The following CBR4 variants were observed in gnomAD, a reference collection of about 807,000 sequenced individuals.
The protein encoded by CBR4 is carbonyl reductase 4, also known as 3-oxoacyl-[acyl-carrier-protein] reductase.
CBR4 carries 22 observed loss-of-function variants against 21.0 expected under a neutral mutation model. That is an observed-to-expected ratio of 1.05 (90% CI 0.75 to 1.50). The LOEUF (loss-of-function observed/expected upper bound fraction) is 1.50, where lower values mean the gene tolerates loss of function less well. Ranked by LOEUF, CBR4 falls within the 40% of genes most tolerant of loss-of-function variation. The pLI is 0.00. For synonymous variants in CBR4, 100 were observed against 104.4 expected (o/e 0.96, Z 0.26); for missense variants, 302 against 286.3 (o/e 1.05, Z -0.40).
chr4:168,954,467 G>A (rs1444951712), intron 2 of CBR4, among the ~76,000 whole-genome samples: 1 of 152,150 alleles, frequency 6.6e-6, no homozygotes, highest in Non-Finnish European at 1.5e-5. Flanking sequence ...GCAGAAAGCA[G>A]AAAGGCAAGC....
At chr4:168,924,942 C>T in intron 2 of CBR4, 2 of 1,614,092 alleles carry the variant, frequency 1.2e-6, no homozygotes, top group Non-Finnish European at 1.7e-6. Context: ...TCCTTTTCTC[C>T]AGCATGCACC....
rs143234536 is a variant in CBR4, at chr4:168,920,858, A to G, written n.170-26093T>C. 4.8e-3 allele frequency among the ~76,000 whole-genome samples: 737 copies of G among 152,330 alleles called. 8 individuals carry two copies. The highest frequency in any genetic ancestry group is 5.5e-3 in the Admixed American group (84 of 15,300). ...TGAGAAGCTTTACAGTACTATATATAAATGCCAGCTGAGTATTTGTTATTA... is the reference window on the plus strand; with the variant it reads ...TGAGAAGCTTTACAGTACTATATATGAATGCCAGCTGAGTATTTGTTATTA... On this transcript the variant is annotated intron_variant and non_coding_transcript_variant, in intron 2 of 3. Coordinates refer to the CBR4 transcript ENST00000509108.
At chr4:168,997,685 A>G (rs1482173542) in intron 4 of CBR4, among the ~76,000 whole-genome samples, 1 of 152,212 alleles carries the variant, frequency 6.6e-6, no homozygotes, top group Non-Finnish European at 1.5e-5. Context: ...CCTCATTTCC[A>G]TATCCCTAGG....
At chr4:168,912,277 T>C (rs906144814) in intron 2 of CBR4, among the ~76,000 whole-genome samples, 1 of 152,236 alleles carries the variant, frequency 6.6e-6, no homozygotes, top group African/African-American at 2.4e-5. Flanking sequence ...GCATGAGGGC[T>C]TCTCATCAAC....
chr4:168,952,811 T>C (rs1168413289), intron 2 of CBR4, among the ~76,000 whole-genome samples: 6 of 152,088 alleles, frequency 3.9e-5, no homozygotes, highest in Middle Eastern at 3.2e-3. Context: ...CCTGTTCCGG[T>C]AGAGGTGGCA....
intron 2 of CBR4, among the ~76,000 whole-genome samples, chr4:168,964,498 C>G (rs940260800): frequency 1.3e-5 from 2 of 152,160 alleles, no homozygotes; most frequent in Admixed American, 6.5e-5. Flanking sequence ...CTTTGGTAAG[C>G]AGTGGTAAAA....
chr4:168,899,783 G>T lies in CBR4; in HGVS notation n.170-5018C>A, dbSNP rs182617260. 3.6e-3 allele frequency among the ~76,000 whole-genome samples: 541 copies of T among 152,152 alleles called. 4 individuals are homozygous for T. Among genetic ancestry groups the T allele is most frequent in the African/African-American group, 0.012 (505 of 41,512 alleles). On this transcript the variant is annotated intron_variant and non_coding_transcript_variant, in intron 2 of 3. Transcript: ENST00000509108. ...AATACAAAAATTAGCTGGGCATGGT[G>T]GTGGGCGCCTGTAATCTCAGCTACT...
intron 2 of CBR4, chr4:168,916,175 T>C: frequency 1.2e-6 from 1 of 817,640 alleles, no homozygotes; most frequent in Non-Finnish European, 2.1e-6. Flanking sequence ...CACTTTAGAG[T>C]CCAAAGCCGG....
At chr4:168,897,532 G>A (rs760405040) in intron 2 of CBR4, among the ~76,000 whole-genome samples, 12 of 151,970 alleles carry the variant, frequency 7.9e-5, no homozygotes, top group South Asian at 6.2e-4. Context: ...CTGCAGCCTC[G>A]ACTTCCCAGG....
rs150000568 is a variant in CBR4, at chr4:168,961,130, G to A, written n.169+40941C>T. Among the ~76,000 whole-genome samples the A allele has an allele frequency of 5.9e-5, 9 of 152,260 alleles. No individual in the cohort carries two copies. The East Asian group carries it at 1.5e-3, about 26-fold the overall frequency. The stretch of plus-strand genomic sequence containing the variant: ...CTGAAAGGCAAGAGATGATACTGAC[G>A]CTTTCTTTGTCCTATTGAAATTTTT... On this transcript the variant is annotated intron_variant and non_coding_transcript_variant, in intron 2 of 3. Transcript: ENST00000509108.
Position 168,920,354 on chromosome 4 carries a change from C to T in CBR4, n.170-25589G>A, listed in dbSNP as rs79483371. 2.3e-3 allele frequency among the ~76,000 whole-genome samples: 355 copies of T among 152,308 alleles called. 2 individuals are homozygous for T. Among genetic ancestry groups the T allele is most frequent in the Admixed American group, 3.8e-3 (58 of 15,300 alleles). ...CCTTTGCTACATGTGTGGTGGGAGG[C>T]ATCTTGCAGGTAATATCAGTTGAGT... On this transcript the variant is annotated intron_variant and non_coding_transcript_variant, in intron 2 of 3. Transcript: ENST00000509108.
intron 2 of CBR4, among the ~76,000 whole-genome samples, chr4:168,966,789 C>T (rs953617538): frequency 2.4e-4 from 36 of 151,472 alleles, no homozygotes; most frequent in African/African-American, 7.5e-4. Flanking sequence ...GAGGCCGAGG[C>T]GGGCGGATCA....
At chr4:168,994,237 T>G (rs367833703) in intron 4 of CBR4, among the ~76,000 whole-genome samples, 6 of 152,238 alleles carry the variant, frequency 3.9e-5, no homozygotes, top group East Asian at 3.8e-4. Context: ...TGGCTAGTTA[T>G]CAGCAGCAGG....
intron 4 of CBR4, among the ~76,000 whole-genome samples, chr4:168,993,048 C>CAGAT (rs2126816675): frequency 6.6e-6 from 1 of 152,256 alleles, no homozygotes; most frequent in African/African-American, 2.4e-5. Flanking sequence ...GCAGCTAACA[C>CAGAT]AGATATTGAT....
chr4:168,957,620 C>T (rs1230487337), intron 2 of CBR4, among the ~76,000 whole-genome samples: 3 of 152,178 alleles, frequency 2.0e-5, no homozygotes, highest in Admixed American at 2.0e-4. Flanking sequence ...TTGTAGTCCA[C>T]CCCTGCCTTC....
At chr4:168,917,800 T>TTA (rs1760510560) in intron 2 of CBR4, among the ~76,000 whole-genome samples, 1 of 152,120 alleles carries the variant, frequency 6.6e-6, no homozygotes, top group Non-Finnish European at 1.5e-5. Flanking sequence ...TGTATATATT[T>TTA]TATATATATA....
At chr4:168,905,296 A>G (rs748133090) in intron 2 of CBR4, among the ~76,000 whole-genome samples, 252 of 149,700 alleles carry the variant, frequency 1.7e-3, no homozygotes, top group Non-Finnish European at 2.5e-3. Flanking sequence ...GACTACAGGC[A>G]CCCACCATGC....
At chr4:168,924,179 T>A in intron 2 of CBR4, 1 of 1,329,882 alleles carries the variant, frequency 7.5e-7, no homozygotes, top group African/African-American at 1.4e-5. Context: ...CAAGCAATAT[T>A]CCAAAAGCCT....
rs970321550 is a variant in CBR4, at chr4:168,994,796, C to T, written c.536-4468G>A. 2.7e-5 allele frequency among the ~76,000 whole-genome samples: 4 copies of T among 148,632 alleles called. No homozygotes were observed. The Admixed American group carries it at 2.7e-4, about 10-fold the overall frequency. ...TGAGACGGAGTTTGGCTCCTGTCAC[C>T]CAGGCTGGAGTACAATGGCATGATC... On this transcript the variant is annotated intron_variant, in intron 4 of 4. Coordinates refer to ENST00000306193, the MANE Select transcript of CBR4 (RefSeq NM_032783.5).
Sources: allele counts gnomAD v4.1 joint callset (sites outside exome capture counted in the v4.1 genomes callset), GRCh38; gene constraint gnomAD v4.1.1; transcripts MANE v1.5; gene names NCBI Gene and HGNC (gene_info 2026-07-23, HGNC 2026-07-21).